DLG2: variants seen among roughly 807,000 people sequenced by gnomAD.
DLG2 encodes discs large MAGUK scaffold protein 2, also known as disks large homolog 2.
DLG2 carries 45 observed loss-of-function variants against 132.5 expected under a neutral mutation model. That is an observed-to-expected ratio of 0.34 (90% confidence interval 0.27 to 0.44). DLG2 has a LOEUF of 0.44. Ranked by LOEUF, DLG2 falls within the 20% of genes least tolerant of loss-of-function variation. The probability of loss-of-function intolerance (pLI) is 1.00; values close to 1 mark genes in which losing one functional copy is unlikely to be tolerated. For synonymous variants in DLG2, 424 were observed against 419.6 expected (o/e 1.01, Z -0.13); for missense variants, 1,045 against 1,196.9 (o/e 0.87, Z 1.87).
chr11:84,700,766 C>A (rs746818912), intron 6 of DLG2, among the ~76,000 whole-genome samples: 9 of 151,514 alleles, frequency 5.9e-5, no homozygotes, highest in East Asian at 2.0e-4. Flanking sequence ...TTTGTTTGCA[C>A]TTTTAATTAT....
At chr11:84,037,129 T>G (rs1315944686) in intron 11 of DLG2, among the ~76,000 whole-genome samples, 2 of 152,160 alleles carry the variant, frequency 1.3e-5, no homozygotes, top group African/African-American at 4.8e-5. Flanking sequence ...GTAATATACC[T>G]AAAAGATTAT....
intron 4 of DLG2, among the ~76,000 whole-genome samples, chr11:85,200,119 G>A (rs1452511988): frequency 1.3e-5 from 2 of 151,972 alleles, no homozygotes; most frequent in African/African-American, 4.8e-5. Flanking sequence ...CCCCCCCATG[G>A]AGCCCAACAC....
At position 85,500,481 on chromosome 11, in the gene DLG2, T is replaced by C. The variant is rs953012481; in HGVS notation, c.40+98176A>G. Among the ~76,000 whole-genome samples, 18 of 148,388 alleles carry C rather than the reference T, an allele frequency of 1.2e-4. 1 individual carries two copies. Among genetic ancestry groups the C allele is most frequent in the African/African-American group, 4.7e-4 (18 of 38,612 alleles). On this transcript the variant is annotated intron_variant, in intron 3 of 27. Coordinates refer to ENST00000376104, the MANE Select transcript of DLG2 (RefSeq NM_001142699.3). ...GGGTGCAGCGCACCAGCATGGCACA[T>C]GTATACATATGTAACTAACCTGCAC...
intron 3 of DLG2, among the ~76,000 whole-genome samples, chr11:85,593,775 G>A (rs1031616379): frequency 2.0e-5 from 3 of 151,874 alleles, no homozygotes; most frequent in Non-Finnish European, 4.4e-5. Flanking sequence ...TACTACATTC[G>A]AATTACTATT....
chr11:85,042,112 G>T (rs941628999), intron 6 of DLG2, among the ~76,000 whole-genome samples: 6 of 151,888 alleles, frequency 4.0e-5, no homozygotes, highest in Non-Finnish European at 8.8e-5. Flanking sequence ...GTTAAAAAAG[G>T]AATGCAATTG....
At chr11:84,373,427 G>A (rs887065369) in intron 7 of DLG2, among the ~76,000 whole-genome samples, 8 of 151,836 alleles carry the variant, frequency 5.3e-5, no homozygotes, top group Middle Eastern at 3.4e-3. Flanking sequence ...AAAATTAGCC[G>A]GGCATGATGG....
chr11:84,884,812 G>A (rs2087958631), intron 6 of DLG2, among the ~76,000 whole-genome samples: 1 of 151,982 alleles, frequency 6.6e-6, no homozygotes, highest in African/African-American at 2.4e-5. Flanking sequence ...AATATTAAAT[G>A]AAAAATTACA....
intron 6 of DLG2, among the ~76,000 whole-genome samples, chr11:84,892,691 C>A (rs541777214): frequency 6.6e-4 from 101 of 152,026 alleles, no homozygotes; most frequent in African/African-American, 2.4e-3. Flanking sequence ...GCTGTTGGCC[C>A]TTTAAAAACC....
intron 7 of DLG2, among the ~76,000 whole-genome samples, chr11:84,253,415 T>C (rs929249112): frequency 1.3e-5 from 2 of 152,178 alleles, no homozygotes; most frequent in African/African-American, 4.8e-5. Context: ...GGTGATATAG[T>C]TGAGTGTGCT....
intron 6 of DLG2, among the ~76,000 whole-genome samples, chr11:84,834,751 G>A (rs1425260597): frequency 6.7e-6 from 1 of 149,614 alleles, no homozygotes; most frequent in Non-Finnish European, 1.5e-5. Flanking sequence ...TATGAGATTT[G>A]GAGTACTAGG....
chr11:83,994,289 T>A (rs1456877828), intron 11 of DLG2, among the ~76,000 whole-genome samples: 2 of 152,202 alleles, frequency 1.3e-5, no homozygotes, highest in African/African-American at 4.8e-5. Flanking sequence ...TAGGAATATC[T>A]CATTCCCCCA....
intron 3 of DLG2, among the ~76,000 whole-genome samples, chr11:85,519,640 G>A: frequency 6.6e-6 from 1 of 152,200 alleles, no homozygotes; most frequent in East Asian, 1.9e-4. Flanking sequence ...AGTCTTTGGG[G>A]AACTGTTGGG....
intron 7 of DLG2, among the ~76,000 whole-genome samples, chr11:84,495,298 T>G (rs1224593290): frequency 6.6e-6 from 1 of 152,118 alleles, no homozygotes; most frequent in African/African-American, 2.4e-5. Context: ...TCTCTCATTT[T>G]CCTCAAGTCT....
intron 7 of DLG2, among the ~76,000 whole-genome samples, chr11:84,399,543 A>G (rs2098822397): frequency 6.6e-6 from 1 of 152,082 alleles, no homozygotes; most frequent in African/African-American, 2.4e-5. Context: ...ATCCTGCCTC[A>G]GCCTCACGAG....
intron 16 of DLG2, among the ~76,000 whole-genome samples, chr11:83,840,066 C>G (rs1394961163): frequency 1.3e-5 from 2 of 152,222 alleles, no homozygotes; most frequent in Non-Finnish European, 2.9e-5. Context: ...CCCTGTGCTT[C>G]CCTGAGTTTG....
intron 8 of DLG2, among the ~76,000 whole-genome samples, chr11:84,191,047 TTTG>T (rs2096397956): frequency 6.6e-6 from 1 of 152,172 alleles, no homozygotes; most frequent in Non-Finnish European, 1.5e-5. Flanking sequence ...AAGTTAAAAC[TTTG>T]TTCATTTAAA....
chr11:84,642,193 A>G (rs1383401220), intron 6 of DLG2, among the ~76,000 whole-genome samples: 1 of 150,858 alleles, frequency 6.6e-6, no homozygotes, highest in Non-Finnish European at 1.5e-5. Context: ...AGGAGCTTGA[A>G]TTACCAAACC....
chr11:85,453,467 T>C (rs2092318403), intron 3 of DLG2: 1 of 157,532 alleles, frequency 6.3e-6, no homozygotes, highest in Admixed American at 6.5e-5. Flanking sequence ...AAAATTTCGG[T>C]GGATATATCC....
At chr11:84,577,712 T>C (rs1375612768) in intron 6 of DLG2, among the ~76,000 whole-genome samples, 1 of 152,194 alleles carries the variant, frequency 6.6e-6, no homozygotes, top group Non-Finnish European at 1.5e-5. Flanking sequence ...AGCCTGATGA[T>C]ACAGTAGAAA....
Sources: allele counts gnomAD v4.1 joint callset (sites outside exome capture counted in the v4.1 genomes callset), GRCh38; gene constraint gnomAD v4.1.1; transcripts MANE v1.5; gene names NCBI Gene and HGNC (gene_info 2026-07-23, HGNC 2026-07-21).